The following EPHA6 variants were observed in gnomAD, a reference collection of about 807,000 sequenced individuals.
EPHA6 encodes the protein EPH receptor A6.
EPHA6 carries 50 observed loss-of-function variants against 112.0 expected under a neutral mutation model. That is an observed-to-expected ratio of 0.45 (90% CI 0.36 to 0.56). EPHA6 has a LOEUF of 0.56. Among genes scored for constraint, EPHA6 ranks in the 20% least tolerant of loss-of-function variants. The pLI, the probability that EPHA6 is intolerant of heterozygous loss-of-function variation, is 0.00. For synonymous variants in EPHA6, 529 were observed against 490.7 expected, an observed-to-expected ratio of 1.08 and a Z score of -1.03; for missense variants, 1,280 against 1,417.4, an observed-to-expected ratio of 0.90 and a Z score of 1.56.
chr3:97,243,864 A>G, intron 4 of EPHA6, 88 bp from the exon 5 acceptor site: 1 of 970,442 alleles, frequency 1.0e-6, no homozygotes, highest in South Asian at 1.8e-5. Flanking sequence ...TAAAAGAGCA[A>G]CAAGTGTTTA....
At chr3:97,616,131 C>A (rs545764264) in intron 13 of EPHA6, among the ~76,000 whole-genome samples, 7 of 152,122 alleles carry the variant, frequency 4.6e-5, no homozygotes, top group African/African-American at 1.7e-4. Context: ...GCCATCTTTG[C>A]GGTTTCAGAG....
At chr3:97,332,559 A>G (rs1577002033) in intron 5 of EPHA6, among the ~76,000 whole-genome samples, 1 of 152,214 alleles carries the variant, frequency 6.6e-6, no homozygotes, top group South Asian at 2.1e-4. Flanking sequence ...CTCCTGTGCT[A>G]TTTTTCTAAA....
chr3:97,451,345 C>T (rs531160904), intron 7 of EPHA6, among the ~76,000 whole-genome samples: 2 of 151,850 alleles, frequency 1.3e-5, no homozygotes, highest in South Asian at 2.1e-4. Flanking sequence ...AATCTGATAC[C>T]TAGTGATTGG....
intron 5 of EPHA6, 105 bp downstream of exon 5, chr3:97,244,392 G>C: frequency 1.1e-6 from 1 of 914,834 alleles, no homozygotes; most frequent in South Asian, 1.5e-5. Context: ...AGTCATATAC[G>C]TTATACACTG....
chr3:97,588,703 AC>A (rs1405003853), intron 11 of EPHA6, among the ~76,000 whole-genome samples: 1 of 152,222 alleles, frequency 6.6e-6, no homozygotes, highest in African/African-American at 2.4e-5. Context: ...ATCATTTGCT[AC>A]ATTTAATTCT....
chr3:96,818,953 A>T (rs1262621331), intron 1 of EPHA6, among the ~76,000 whole-genome samples: 1 of 151,958 alleles, frequency 6.6e-6, no homozygotes, highest in Non-Finnish European at 1.5e-5. Context: ...ATATAAAATA[A>T]GTAATTGTAT....
intron 3 of EPHA6, among the ~76,000 whole-genome samples, chr3:96,988,981 T>C (rs1346057144): frequency 6.6e-6 from 1 of 152,080 alleles, no homozygotes; most frequent in East Asian, 1.9e-4. Flanking sequence ...TAATTAGATT[T>C]AGGACTCATA....
chr3:96,985,611 G>T (rs1407721523), intron 2 of EPHA6, among the ~76,000 whole-genome samples: 1 of 152,074 alleles, frequency 6.6e-6, no homozygotes, highest in African/African-American at 2.4e-5. Flanking sequence ...GGTAAAAAAT[G>T]TGTGTATTTT....
intron 14 of EPHA6, among the ~76,000 whole-genome samples, chr3:97,718,851 TA>T (rs1265662522): frequency 6.6e-6 from 1 of 152,172 alleles, no homozygotes; most frequent in Non-Finnish European, 1.5e-5. Context: ...ACAGCATTAA[TA>T]TACATAAGGT....
chr3:97,559,960 A>G (rs1366694352), intron 11 of EPHA6, among the ~76,000 whole-genome samples: 3 of 151,976 alleles, frequency 2.0e-5, no homozygotes, highest in Admixed American at 6.6e-5. Context: ...CCTTTAAAAA[A>G]TTCTATTTGA....
chr3:97,025,961 C>T (rs940796862), intron 3 of EPHA6, among the ~76,000 whole-genome samples: 13 of 151,982 alleles, frequency 8.6e-5, no homozygotes, highest in Non-Finnish European at 1.2e-4. Context: ...TTCAATCTTC[C>T]GCCTATGGCT....
intron 14 of EPHA6, chr3:97,646,070 A>G: frequency 1.4e-6 from 2 of 1,383,214 alleles, no homozygotes; most frequent in Non-Finnish European, 9.7e-7. Context: ...TTCTAATCAA[A>G]ATACGGACAG....
chr3:97,515,172 C>T (rs2092428447), intron 10 of EPHA6, among the ~76,000 whole-genome samples: 1 of 152,146 alleles, frequency 6.6e-6, no homozygotes, highest in African/African-American at 2.4e-5. Context: ...TTACTAATAA[C>T]ACTACTATCC....
intron 12 of EPHA6, 68 bp from the exon 13 acceptor site, chr3:97,610,725 A>G (rs1013628980): frequency 1.7e-6 from 2 of 1,211,038 alleles, no homozygotes; most frequent in South Asian, 1.3e-5. Flanking sequence ...ACAGCTGGGT[A>G]TCTCTTAACT....
At chr3:96,826,868 T>TA (rs1178858234) in intron 1 of EPHA6, among the ~76,000 whole-genome samples, 1 of 152,106 alleles carries the variant, frequency 6.6e-6, no homozygotes, top group Non-Finnish European at 1.5e-5. Flanking sequence ...TGAAATAAAA[T>TA]ACCCATTTAC....
rs397990599 is a variant in EPHA6 at position 97,668,911 on chromosome 3, C to CAAAAAAAA, written c.2784+30855_2784+30862dup. On this transcript the variant is annotated intron_variant, in intron 14 of 17. Coordinates refer to ENST00000389672, the MANE Select transcript of EPHA6 (RefSeq NM_001080448.3). The stretch of plus-strand genomic sequence containing the variant: ...TGTGTGACAGAGTGAGACTCTGTCT[C>CAAAAAAAA]AAAAAAAAAAAAAAAAAAAAAAAAA... Among the ~76,000 whole-genome samples, 99 of 31,918 alleles carry CAAAAAAAA rather than the reference C, an allele frequency of 3.1e-3. 29 individuals carry two copies. The highest frequency in any genetic ancestry group is 5.9e-3 in the South Asian group (2 of 340). 20.9% of individuals were successfully genotyped at this position (31,918 alleles called of 152,430 possible). A position where few individuals can be genotyped will look rare whatever the true frequency, so the allele number is the denominator to read the frequency against.
At chr3:97,733,917 A>C (rs2107842440) in intron 15 of EPHA6, among the ~76,000 whole-genome samples, 1 of 152,182 alleles carries the variant, frequency 6.6e-6, no homozygotes, top group Middle Eastern at 3.4e-3. Context: ...ATGTTTTATC[A>C]TGAGAACTAA....
chr3:97,134,051 G>A (rs2108334557), intron 3 of EPHA6, among the ~76,000 whole-genome samples: 1 of 152,042 alleles, frequency 6.6e-6, no homozygotes, highest in East Asian at 1.9e-4. Flanking sequence ...AAAAAAAAGA[G>A]CCTACATAAA....
At chr3:97,507,110 A>G (rs2092269064) in intron 10 of EPHA6, among the ~76,000 whole-genome samples, 1 of 152,178 alleles carries the variant, frequency 6.6e-6, no homozygotes. Flanking sequence ...GTCATCTGCA[A>G]ACAGAGACAG....
Sources: gnomAD v4.1 joint callset for allele counts (sites outside exome capture counted in the v4.1 genomes callset) on GRCh38, gnomAD v4.1.1 for gene constraint, MANE v1.5 for transcripts, NCBI Gene and HGNC (gene_info 2026-07-23, HGNC 2026-07-21) for gene names.